EPC1: variants seen among roughly 807,000 people sequenced by gnomAD.
EPC1 encodes enhancer of polycomb homolog 1.
Under a neutral mutation model 98.4 loss-of-function variants are expected in EPC1, and 12 were observed. The ratio of observed to expected loss-of-function variants is 0.12; its 90% CI spans 0.08 to 0.20. The LOEUF (loss-of-function observed/expected upper bound fraction) is 0.20. Among genes scored for constraint, EPC1 ranks in the 10% least tolerant of loss-of-function variants. The pLI is 1.00. For synonymous variants in EPC1, 357 were observed against 363.9 expected (o/e 0.98, Z 0.21); for missense variants, 729 against 990.5 (o/e 0.74, Z 3.54).
intron 1 of EPC1, among the ~76,000 whole-genome samples, chr10:32,313,220 C>T (rs1311036582): frequency 2.0e-5 from 3 of 152,038 alleles, no homozygotes; most frequent in Non-Finnish European, 4.4e-5. Context: ...TTTTGAAATA[C>T]AGTTTGGGAA....
At position 32,347,105 on chromosome 10, in the gene EPC1, C is replaced by T. The variant is rs912247718; in HGVS notation, c.-190G>A. On this transcript the variant is annotated 5_prime_UTR_variant, in exon 1 of 14. Transcript: ENST00000319778. ...GCTGTGCCGCTCCGCTCCTCTCTCG[C>T]TCGCTCTCTTCAATACGCCATGGCC... The T allele has an allele frequency of 4.9e-6, 7 of 1,440,792 alleles. No homozygotes were observed. Among genetic ancestry groups the T allele is most frequent in the South Asian group, 1.5e-5 (1 of 68,608 alleles). The allele number at this position is 1,440,792 out of a possible 1,614,324, so 89.3% of individuals were successfully genotyped here.
intron 1 of EPC1, among the ~76,000 whole-genome samples, chr10:32,340,315 G>A (rs1838257391): frequency 2.0e-5 from 3 of 152,162 alleles, no homozygotes; most frequent in Admixed American, 6.5e-5. Context: ...AATAAGTACA[G>A]CAAGTTTGCT....
intron 2 of EPC1, among the ~76,000 whole-genome samples, chr10:32,304,550 G>A (rs1835760048): frequency 6.6e-6 from 1 of 152,154 alleles, no homozygotes; most frequent in Non-Finnish European, 1.5e-5. Context: ...TTCTCAATGT[G>A]CTTGCAAGGA....
chr10:32,312,179 G>A (rs1435477301), intron 1 of EPC1, among the ~76,000 whole-genome samples: 6 of 152,270 alleles, frequency 3.9e-5, no homozygotes, highest in South Asian at 2.1e-4. Context: ...GGAGTCAAGC[G>A]CCAGATCATG....
intron 1 of EPC1, among the ~76,000 whole-genome samples, chr10:32,365,421 T>C (rs1391082029): frequency 6.6e-6 from 1 of 152,146 alleles, no homozygotes; most frequent in African/African-American, 2.4e-5. Context: ...TAGCACAGTC[T>C]TATTTAGGCA....
At chr10:32,317,300 G>A (rs776521137) in intron 1 of EPC1, among the ~76,000 whole-genome samples, 27 of 152,000 alleles carry the variant, frequency 1.8e-4, no homozygotes, top group Non-Finnish European at 3.7e-4. Context: ...AGTTATTTAA[G>A]GTCCACAAAC....
At chr10:32,326,052 T>C (rs967415358) in intron 1 of EPC1, among the ~76,000 whole-genome samples, 1 of 152,212 alleles carries the variant, frequency 6.6e-6, no homozygotes, top group Non-Finnish European at 1.5e-5. Flanking sequence ...GATGAATTTA[T>C]ACCTCTTATC....
intron 2 of EPC1, among the ~76,000 whole-genome samples, chr10:32,304,476 C>T (rs1416427871): frequency 2.0e-5 from 3 of 152,190 alleles, no homozygotes; most frequent in African/African-American, 7.2e-5. Flanking sequence ...TTGTTTATAA[C>T]GTCTGTGTCT....
intron 1 of EPC1, among the ~76,000 whole-genome samples, chr10:32,340,580 A>G (rs889795571): frequency 6.6e-6 from 1 of 152,222 alleles, no homozygotes. Context: ...CTATAATCTC[A>G]GCACTTTGGG....
chr10:32,351,097 G>A (rs943251763), upstream of EPC1, among the ~76,000 whole-genome samples: 6 of 152,132 alleles, frequency 3.9e-5, no homozygotes, highest in Non-Finnish European at 8.8e-5. Flanking sequence ...AACCAAAAGT[G>A]GAAGCAGAGG....
intron 2 of EPC1, among the ~76,000 whole-genome samples, chr10:32,301,437 A>T (rs932522499): frequency 6.6e-6 from 1 of 152,242 alleles, no homozygotes; most frequent in African/African-American, 2.4e-5. Context: ...AGTTTATTCT[A>T]AAGTTTATAT....
intron 1 of EPC1, among the ~76,000 whole-genome samples, chr10:32,326,578 T>C (rs1837293623): frequency 6.6e-6 from 1 of 151,944 alleles, no homozygotes; most frequent in African/African-American, 2.4e-5. Flanking sequence ...GGTACTATTA[T>C]AACAAAAAAA....
intron 1 of EPC1, among the ~76,000 whole-genome samples, chr10:32,324,855 T>C (rs1021128319): frequency 1.3e-5 from 2 of 151,970 alleles, no homozygotes; most frequent in African/African-American, 4.8e-5. Flanking sequence ...TAGCTGGGCG[T>C]GGTGGCTGGA....
intron 1 of EPC1, among the ~76,000 whole-genome samples, chr10:32,372,893 G>A (rs1005463682): frequency 6.6e-6 from 1 of 152,112 alleles, no homozygotes; most frequent in Non-Finnish European, 1.5e-5. Flanking sequence ...GTGTGGTGGC[G>A]GGCGCCTGTA....
chr10:32,333,475 T>C (rs768775874), intron 1 of EPC1, among the ~76,000 whole-genome samples: 12 of 152,152 alleles, frequency 7.9e-5, no homozygotes, highest in Non-Finnish European at 5.9e-5. Context: ...TGAGAAGATA[T>C]AAATTAAATC....
rs182988478 is a variant in EPC1 at position 32,297,381 on chromosome 10, A to T, written c.314-3644T>A. Among the ~76,000 whole-genome samples the T allele has an allele frequency of 3.3e-5, 5 of 151,284 alleles. No individual in the cohort carries two copies. The East Asian group carries it at 9.8e-4, about 30-fold the overall frequency. The stretch of plus-strand genomic sequence containing the variant: ...ACTGCAACCTCCGCCTCTCGGGTTC[A>T]AGCGATATTCCTGCCTCACTCAGCC... On this transcript the variant is annotated intron_variant, in intron 2 of 13. Coordinates refer to ENST00000319778, the MANE Select transcript of EPC1 (RefSeq NM_001272004.3).
chr10:32,306,857 AACACAC>A (rs3029539), intron 1 of EPC1, among the ~76,000 whole-genome samples: 145 of 149,564 alleles, frequency 9.7e-4, no homozygotes, highest in African/African-American at 2.6e-3. Context: ...ATTAAATTCA[AACACAC>A]ACACACACAC....
At chr10:32,338,704 G>C (rs1484261620) in intron 1 of EPC1, among the ~76,000 whole-genome samples, 2 of 151,980 alleles carry the variant, frequency 1.3e-5, no homozygotes, top group Admixed American at 6.6e-5. Flanking sequence ...TCAAGTTTCA[G>C]GCCACATGTT....
At chr10:32,291,432 C>T (rs1447675508) in intron 5 of EPC1, 110 bp from the exon 6 acceptor site, 8 of 811,078 alleles carry the variant, frequency 9.9e-6, no homozygotes, top group Non-Finnish European at 1.5e-5. Flanking sequence ...AGCTAATTAA[C>T]ATATCCATCA....
Sources: gnomAD v4.1 joint callset for allele counts (sites outside exome capture counted in the v4.1 genomes callset) on GRCh38, gnomAD v4.1.1 for gene constraint, MANE v1.5 for transcripts, NCBI Gene and HGNC (gene_info 2026-07-23, HGNC 2026-07-21) for gene names.